KAZN: variants seen among roughly 807,000 people sequenced by gnomAD.
The protein encoded by KAZN is kazrin, periplakin interacting protein, also known as kazrin.
Under a neutral mutation model 87.4 loss-of-function variants are expected in KAZN, and 40 were observed. The observed-to-expected ratio is 0.46, with a 90% CI of 0.36 to 0.60. KAZN has a LOEUF of 0.60. KAZN is among the 20% of genes least tolerant of loss of function. The pLI is 0.00. For synonymous variants in KAZN, 466 were observed against 458.3 expected, an observed-to-expected ratio of 1.02 and a Z score of -0.22; for missense variants, 898 against 1,073.9, an observed-to-expected ratio of 0.84 and a Z score of 2.29.
chr1:14,827,573 A>G (rs555640692), intron 1 of KAZN, among the ~76,000 whole-genome samples: 5 of 152,322 alleles, frequency 3.3e-5, no homozygotes, highest in Admixed American at 3.3e-4. Flanking sequence ...GACAGACAGT[A>G]AAATTGCTTA....
At chr1:14,963,938 A>G (rs1664171438) in intron 2 of KAZN, among the ~76,000 whole-genome samples, 1 of 152,132 alleles carries the variant, frequency 6.6e-6, no homozygotes, top group African/African-American at 2.4e-5. Flanking sequence ...AGCTTCACCC[A>G]TGTCCCTGCA....
chr1:14,814,167 T>A (rs1447946519), intron 1 of KAZN, among the ~76,000 whole-genome samples: 4 of 152,200 alleles, frequency 2.6e-5, no homozygotes, highest in Non-Finnish European at 5.9e-5. Flanking sequence ...AGCCAACAAC[T>A]TCCCTTGGTC....
intron 2 of KAZN, among the ~76,000 whole-genome samples, chr1:15,027,542 G>A (rs1318791898): frequency 1.3e-5 from 2 of 152,312 alleles, no homozygotes; most frequent in South Asian, 2.1e-4. Context: ...ATTCTGATGG[G>A]TGTTTATTAG....
At chr1:14,450,555 A>T (rs1667216773) in intron 2 of KAZN, among the ~76,000 whole-genome samples, 1 of 152,076 alleles carries the variant, frequency 6.6e-6, no homozygotes, top group African/African-American at 2.4e-5. Flanking sequence ...ATGCCATTGC[A>T]CTCCAGCCTG....
Position 14,771,127 on chromosome 1 carries a change from T to C in KAZN, c.226+171904T>C, listed in dbSNP as rs189572789. 1.7e-3 allele frequency among the ~76,000 whole-genome samples: 259 copies of C among 152,246 alleles called. 1 individual carries two copies. The highest frequency in any genetic ancestry group is 5.8e-3 in the African/African-American group (241 of 41,552). On this transcript the variant is annotated intron_variant, in intron 1 of 14. Transcript: ENST00000376030. ...CACCCAGAATGATTCGCTGTGATCATTGCCATATGAACAATATGCTATCAC... is the reference window on the plus strand; with the variant it reads ...CACCCAGAATGATTCGCTGTGATCACTGCCATATGAACAATATGCTATCAC...
chr1:13,905,106 AG>A (rs966435897), intron 1 of KAZN, among the ~76,000 whole-genome samples: 18 of 152,132 alleles, frequency 1.2e-4, no homozygotes, highest in Non-Finnish European at 1.5e-5. Context: ...CAAATCTCCC[AG>A]GTATTATTTT....
intron 2 of KAZN, among the ~76,000 whole-genome samples, chr1:14,451,114 G>A (rs879597078): frequency 1.3e-4 from 20 of 152,086 alleles, no homozygotes; most frequent in Non-Finnish European, 2.6e-4. Context: ...CTGGCACCAT[G>A]CTTCCTATAC....
chr1:14,619,953 G>C (rs759471641), intron 1 of KAZN, among the ~76,000 whole-genome samples: 1 of 152,140 alleles, frequency 6.6e-6, no homozygotes, highest in Non-Finnish European at 1.5e-5. Flanking sequence ...CACGTGAGTT[G>C]TTTCTGCCTT....
intron 1 of KAZN, among the ~76,000 whole-genome samples, chr1:14,861,631 G>C (rs1323757456): frequency 6.6e-6 from 1 of 152,034 alleles, no homozygotes; most frequent in Non-Finnish European, 1.5e-5. Flanking sequence ...AATTCATTTT[G>C]TTCAGCTAAG....
intron 8 of KAZN, among the ~76,000 whole-genome samples, chr1:15,092,699 C>T (rs944779848): frequency 6.6e-6 from 1 of 152,036 alleles, no homozygotes; most frequent in Non-Finnish European, 1.5e-5. Flanking sequence ...ATCTCAAACT[C>T]CTGAAGCTCA....
chr1:14,365,435 G>A (rs991004940), intron 2 of KAZN, among the ~76,000 whole-genome samples: 134 of 148,816 alleles, frequency 9.0e-4, no homozygotes, highest in African/African-American at 3.2e-3. Flanking sequence ...ACTCCAGCAT[G>A]ACCTCATCTT....
intron 2 of KAZN, among the ~76,000 whole-genome samples, chr1:14,323,057 C>T (rs553203455): frequency 1.3e-5 from 2 of 152,282 alleles, no homozygotes; most frequent in East Asian, 3.9e-4. Flanking sequence ...CATTAGATCT[C>T]ATGAGAACTT....
intron 1 of KAZN, among the ~76,000 whole-genome samples, chr1:14,629,037 G>A (rs1466167681): frequency 6.6e-6 from 1 of 151,986 alleles, no homozygotes; most frequent in Non-Finnish European, 1.5e-5. Flanking sequence ...ACTGGAGACG[G>A]GGTTTCACCA....
chr1:15,088,709 G>GC (rs140117675), intron 8 of KAZN, among the ~76,000 whole-genome samples: 3,669 of 151,974 alleles, frequency 0.024, 152 homozygotes, highest in African/African-American at 0.084. Flanking sequence ...TGACCCCAAG[G>GC]CCCCCCTAGA....
intron 1 of KAZN, among the ~76,000 whole-genome samples, chr1:14,847,205 C>A (rs550512802): frequency 6.6e-6 from 1 of 152,206 alleles, no homozygotes; most frequent in African/African-American, 2.4e-5. Context: ...GGATTTATGC[C>A]GCACACTGAT....
At chr1:15,050,348 C>T (rs1674256559) in intron 4 of KAZN, among the ~76,000 whole-genome samples, 2 of 152,144 alleles carry the variant, frequency 1.3e-5, no homozygotes, top group Admixed American at 6.5e-5. Flanking sequence ...TGTCCTCAGA[C>T]CCCACTGGGG....
intron 1 of KAZN, among the ~76,000 whole-genome samples, chr1:14,076,745 C>A (rs1400436201): frequency 2.0e-5 from 3 of 152,134 alleles, no homozygotes; most frequent in Non-Finnish European, 4.4e-5. Context: ...GACTGAGAGG[C>A]CTGCAAAGCC....
chr1:14,131,461 C>T (rs1644990728), intron 1 of KAZN, among the ~76,000 whole-genome samples: 1 of 152,036 alleles, frequency 6.6e-6, no homozygotes, highest in African/African-American at 2.4e-5. Context: ...CCTCCTAAGC[C>T]CCTAAAACAA....
Position 14,664,158 on chromosome 1 carries a change from C to T in KAZN, c.226+64935C>T, listed in dbSNP as rs6674270. 5.8e-3 allele frequency among the ~76,000 whole-genome samples: 878 copies of T among 152,266 alleles called. 11 individuals are homozygous for T. Among genetic ancestry groups the T allele is most frequent in the African/African-American group, 0.02 (839 of 41,574 alleles). ...CAGAAAGTAGAGCTGACTGGCCGGG[C>T]GTAGTGGCTCACGCCTGTCATCCAA... is the stretch of plus-strand genomic sequence containing the variant. On this transcript the variant is annotated intron_variant, in intron 1 of 14. Transcript: ENST00000376030.
Sources: gnomAD v4.1 joint callset for allele counts (sites outside exome capture counted in the v4.1 genomes callset) on GRCh38, gnomAD v4.1.1 for gene constraint, MANE v1.5 for transcripts, NCBI Gene and HGNC (gene_info 2026-07-23, HGNC 2026-07-21) for gene names.